RBFOX1: variants seen among roughly 807,000 people sequenced by gnomAD.
RBFOX1 encodes the protein RNA binding protein fox-1 homolog 1.
A neutral mutation model predicts 57.7 loss-of-function variants in RBFOX1; 8 were observed. The ratio of observed to expected loss-of-function variants is 0.14; its 90% CI spans 0.08 to 0.25. RBFOX1 has a LOEUF of 0.25. Among genes scored for constraint, RBFOX1 ranks in the 10% least tolerant of loss-of-function variants. The pLI is 1.00. For missense variants in RBFOX1, 611 were observed against 548.5 expected (o/e 1.11, Z -1.14); for synonymous variants, 326 against 222.4 (o/e 1.47, Z -4.15).
chr16:6,843,625 C>G (rs191144571), intron 3 of RBFOX1, among the ~76,000 whole-genome samples: 4 of 152,126 alleles, frequency 2.6e-5, no homozygotes, highest in African/African-American at 7.2e-5. Context: ...GGAGGTGGAG[C>G]TTGCAGTGAG....
At chr16:5,759,828 C>G (rs948452502) in intron 3 of RBFOX1, among the ~76,000 whole-genome samples, 1 of 152,090 alleles carries the variant, frequency 6.6e-6, no homozygotes, top group Non-Finnish European at 1.5e-5. Flanking sequence ...ACTTCTCCCT[C>G]ACCAGTGCAG....
chr16:7,343,906 G>GC (rs2096943895), intron 4 of RBFOX1, among the ~76,000 whole-genome samples: 1 of 152,040 alleles, frequency 6.6e-6, no homozygotes. Context: ...ATAGCACCTG[G>GC]CACATAGAAA....
intron 1 of RBFOX1, among the ~76,000 whole-genome samples, chr16:5,253,994 G>T (rs1025919836): frequency 1.5e-5 from 1 of 65,014 alleles, no homozygotes; most frequent in African/African-American, 6.6e-5. Context: ...GTAGACACTA[G>T]CTCAGGTACA....
At chr16:7,451,716 T>A (rs563971375) in intron 4 of RBFOX1, among the ~76,000 whole-genome samples, 1 of 134,406 alleles carries the variant, frequency 7.4e-6, no homozygotes, top group South Asian at 2.6e-4. Flanking sequence ...AGTAGAGGCT[T>A]CCAGCACTTT....
intron 2 of RBFOX1, among the ~76,000 whole-genome samples, chr16:5,581,078 T>C (rs1301468580): frequency 6.6e-6 from 1 of 152,152 alleles, no homozygotes; most frequent in South Asian, 2.1e-4. Flanking sequence ...CTTAGGTAAA[T>C]GCAAATATCC....
chr16:7,694,486 A>G (rs963019098), intron 14 of RBFOX1, among the ~76,000 whole-genome samples: 6 of 152,224 alleles, frequency 3.9e-5, no homozygotes, highest in African/African-American at 7.2e-5. Flanking sequence ...CTCAACCTTC[A>G]TAACGGGTTA....
chr16:5,718,910 AAATG>A lies in RBFOX1; in HGVS notation c.318+119976_318+119979del, dbSNP rs551458775. On this transcript the variant is annotated intron_variant, in intron 3 of 19. Coordinates refer to the RBFOX1 transcript ENST00000641259. ...GGTGACAGAGTGAGATTGCTTCTCA[AAATG>A]AATGAATGAATGAATGAATGAATGA... Among the ~76,000 whole-genome samples, 282 of 151,724 alleles carry A rather than the reference AAATG, an allele frequency of 1.9e-3. 1 individual carries two copies. The highest frequency in any genetic ancestry group is 6.4e-3 in the African/African-American group (263 of 41,248).
intron 3 of RBFOX1, among the ~76,000 whole-genome samples, chr16:6,679,278 A>G (rs2058249880): frequency 6.6e-6 from 1 of 152,118 alleles, no homozygotes; most frequent in South Asian, 2.1e-4. Context: ...AGCTTAAAGA[A>G]AAATAATAAG....
intron 4 of RBFOX1, among the ~76,000 whole-genome samples, chr16:5,949,525 CAA>C (rs59221283): frequency 6.2e-5 from 2 of 32,300 alleles, no homozygotes. Flanking sequence ...GAGTCCATCT[CAA>C]AAAAAAAAAA....
chr16:5,709,844 T>TATATATATATATA (rs60321066), intron 3 of RBFOX1, among the ~76,000 whole-genome samples: 8 of 6,844 alleles, frequency 1.2e-3, no homozygotes, highest in African/African-American at 2.5e-3. Flanking sequence ...TATATATATA[T>TATATATATATATA]TTTTTTTTTT....
At chr16:7,039,050 C>CGGG (rs140033306) in intron 3 of RBFOX1, among the ~76,000 whole-genome samples, 1 of 151,722 alleles carries the variant, frequency 6.6e-6, no homozygotes, top group South Asian at 2.1e-4. Context: ...AAAGGAATAT[C>CGGG]AGAAGTGCTC....
chr16:7,463,794 G>A (rs1019069079), intron 4 of RBFOX1, among the ~76,000 whole-genome samples: 2 of 152,116 alleles, frequency 1.3e-5, no homozygotes, highest in African/African-American at 4.8e-5. Context: ...CTCTGATAAC[G>A]ACAACAGCTG....
chr16:5,666,628 C>G (rs1302430647), intron 3 of RBFOX1, among the ~76,000 whole-genome samples: 1 of 152,176 alleles, frequency 6.6e-6, no homozygotes, highest in Non-Finnish European at 1.5e-5. Context: ...AAGGAGACAG[C>G]TAATAGGACT....
At chr16:7,573,510 C>A (rs539824306) in intron 5 of RBFOX1, among the ~76,000 whole-genome samples, 1 of 152,114 alleles carries the variant, frequency 6.6e-6, no homozygotes, top group Non-Finnish European at 1.5e-5. Context: ...TGGTAATGTC[C>A]ATTCAGGTAG....
At chr16:7,532,293 T>C (rs907704438) in intron 5 of RBFOX1, among the ~76,000 whole-genome samples, 3 of 152,122 alleles carry the variant, frequency 2.0e-5, no homozygotes, top group Non-Finnish European at 4.4e-5. Context: ...GACATTCATC[T>C]GGTGGCTCCA....
intron 2 of RBFOX1, among the ~76,000 whole-genome samples, chr16:6,491,295 C>T (rs1325907122): frequency 6.6e-6 from 1 of 151,758 alleles, no homozygotes; most frequent in Non-Finnish European, 1.5e-5. Context: ...ATTCCATATC[C>T]AGAAGTATAT....
At chr16:7,124,888 C>G (rs2068097851) in intron 4 of RBFOX1, among the ~76,000 whole-genome samples, 2 of 151,988 alleles carry the variant, frequency 1.3e-5, no homozygotes, top group Admixed American at 6.6e-5. Flanking sequence ...AAATATTTCA[C>G]CAGCCAGTGA....
intron 3 of RBFOX1, among the ~76,000 whole-genome samples, chr16:5,837,383 T>C (rs544197254): frequency 3.9e-5 from 6 of 152,266 alleles, no homozygotes; most frequent in East Asian, 3.9e-4. Flanking sequence ...AGAGATCTTA[T>C]TGGACACATT....
intron 1 of RBFOX1, among the ~76,000 whole-genome samples, chr16:6,160,503 G>C (rs1304193887): frequency 6.6e-6 from 1 of 151,888 alleles, no homozygotes; most frequent in Non-Finnish European, 1.5e-5. Context: ...CATCACCCTG[G>C]GCAAACACCG....
Sources: allele counts gnomAD v4.1 joint callset (sites outside exome capture counted in the v4.1 genomes callset), GRCh38; gene constraint gnomAD v4.1.1; transcripts MANE v1.5; gene names NCBI Gene and HGNC (gene_info 2026-07-23, HGNC 2026-07-21).